JAKMIP3: variants seen among roughly 807,000 people sequenced by gnomAD.
The protein encoded by JAKMIP3 is janus kinase and microtubule-interacting protein 3.
JAKMIP3 carries 58 observed loss-of-function variants against 118.5 expected under a neutral mutation model. The observed-to-expected ratio is 0.49, with a 90% CI of 0.40 to 0.61. JAKMIP3 has a LOEUF of 0.61. JAKMIP3 is among the 20% of genes least tolerant of loss of function. The pLI is 0.00. For synonymous variants in JAKMIP3, 486 were observed against 451.2 expected (o/e 1.08, Z -0.98); for missense variants, 950 against 1,109.0 (o/e 0.86, Z 2.04).
intron 3 of JAKMIP3, among the ~76,000 whole-genome samples, chr10:132,123,214 G>T (rs111805739): frequency 0.036 from 5,476 of 152,298 alleles, 146 homozygotes; most frequent in East Asian, 0.12. Context: ...TGAGGACAGG[G>T]CCGAGCTGGG....
At chr10:132,059,010 A>G (rs2038321615) in intron 1 of JAKMIP3, among the ~76,000 whole-genome samples, 1 of 152,108 alleles carries the variant, frequency 6.6e-6, no homozygotes, top group South Asian at 2.1e-4. Flanking sequence ...CACAAGCCCC[A>G]GCTGCAGTGG....
At chr10:132,066,892 G>C in intron 1 of JAKMIP3, among the ~76,000 whole-genome samples, 1 of 152,244 alleles carries the variant, frequency 6.6e-6, no homozygotes, top group Middle Eastern at 3.4e-3. Context: ...AGACTGGCCG[G>C]GAAACCATGC....
At chr10:132,042,589 C>CA (rs536404862) in intron 1 of JAKMIP3, among the ~76,000 whole-genome samples, 10 of 152,234 alleles carry the variant, frequency 6.6e-5, no homozygotes, top group African/African-American at 2.4e-4. Context: ...ATCCTGGCTG[C>CA]AGGGATGAGT....
intron 1 of JAKMIP3, among the ~76,000 whole-genome samples, chr10:132,043,378 T>TTGTG (rs552418772): frequency 6.6e-6 from 1 of 151,162 alleles, no homozygotes; most frequent in African/African-American, 2.4e-5. Context: ...CCCTTTCCGT[T>TTGTG]TGTGTGTGTG....
chr10:132,063,680 G>A (rs558298541), upstream of JAKMIP3, among the ~76,000 whole-genome samples: 172 of 152,296 alleles, frequency 1.1e-3, no homozygotes, highest in African/African-American at 4.0e-3. Flanking sequence ...TCTGCAAGGG[G>A]CACGTTTACT....
At chr10:132,172,295 G>T (rs1169995520) in intron 23 of JAKMIP3, among the ~76,000 whole-genome samples, 1 of 152,044 alleles carries the variant, frequency 6.6e-6, no homozygotes, top group Non-Finnish European at 1.5e-5. Context: ...GCCCGAGATG[G>T]GTGTGTTTCA....
At chr10:132,121,749 C>G (rs980232011) in intron 3 of JAKMIP3, among the ~76,000 whole-genome samples, 1 of 152,134 alleles carries the variant, frequency 6.6e-6, no homozygotes, top group East Asian at 1.9e-4. Flanking sequence ...TGGGGGTTTC[C>G]GTGCCTCCCT....
At chr10:132,070,115 C>G (rs1368648228) in intron 1 of JAKMIP3, among the ~76,000 whole-genome samples, 2 of 152,066 alleles carry the variant, frequency 1.3e-5, no homozygotes, top group African/African-American at 4.8e-5. Context: ...CTACCTCTGT[C>G]TAAACAGCAC....
Position 132,117,493 on chromosome 10 carries a change from A to G in JAKMIP3, c.552A>G (p.Ala184=), listed in dbSNP as rs747891623. 2.5e-6 allele frequency: 4 copies of G among 1,612,370 alleles called. No homozygotes were observed. Among genetic ancestry groups the G allele is most frequent in the East Asian group, 2.2e-5 (1 of 44,844 alleles). The change falls in exon 3 of 24, where the codon GCA becomes GCG. Residue 184 remains alanine (A), a synonymous_variant. Coordinates refer to ENST00000684848, the MANE Select transcript of JAKMIP3 (RefSeq NM_001323087.2). This position sits in a 1 kb window ranked among gnomAD's most constrained non-coding sequence, Gnocchi z 8.6. ...LVIQADKIKA[A]EIRSVYHLHQ... is the part of the protein sequence containing the mutation. ...TCCAAGCGGACAAGATCAAGGCCGC[A>G]GAGATCCGCAGCGTGTACCACCTGC...
intron 10 of JAKMIP3, among the ~76,000 whole-genome samples, chr10:132,141,399 C>T (rs917375973): frequency 6.6e-6 from 1 of 152,138 alleles, no homozygotes; most frequent in African/African-American, 2.4e-5. Flanking sequence ...CTGTCTTCTC[C>T]CTGGGGTGAC....
At chr10:132,148,091 T>A (rs1218689986) in intron 14 of JAKMIP3, 41 bp downstream of exon 14, 1 of 1,311,684 alleles carries the variant, frequency 7.6e-7, no homozygotes. Context: ...TGTGGCTGTG[T>A]CAGGGATCTA....
chr10:132,174,491 G>A lies in JAKMIP3; in HGVS notation c.*1103+5458G>A, dbSNP rs541819470. 5.6e-4 allele frequency among the ~76,000 whole-genome samples: 86 copies of A among 152,228 alleles called. 1 individual carries two copies. Among genetic ancestry groups the A allele is most frequent in the Admixed American group, 1.6e-3 (24 of 15,296 alleles). Reference sequence around the variant, plus strand: ...CTGTTCCCGAGCGGAATCCCCTCGGGTGAAAGGACCACAGTGCACCAGGGG... The same window carrying A: ...CTGTTCCCGAGCGGAATCCCCTCGGATGAAAGGACCACAGTGCACCAGGGG... On this transcript the variant is annotated intron_variant, in intron 23 of 23. Transcript: ENST00000684848.
chr10:132,133,725 C>T (rs555333067), intron 4 of JAKMIP3, among the ~76,000 whole-genome samples, 198 bp downstream of exon 4: 2 of 152,372 alleles, frequency 1.3e-5, no homozygotes, highest in African/African-American at 4.8e-5. Flanking sequence ...GGCTGGTGGA[C>T]TCGTCTCCTT....
At chr10:132,149,554 T>TCCCCCGCCCCACCACCTCTCCG in intron 15 of JAKMIP3, 44 bp downstream of exon 15, 1 of 530,844 alleles carries the variant, frequency 1.9e-6, no homozygotes, top group Non-Finnish European at 2.5e-6. Context: ...ACCTCACCCA[T>TCCCCCGCCCCACCACCTCTCCG]CCCCCGCCCC....
In JAKMIP3 at chr10:132,066,023, G is replaced by C. The variant is rs974312464; in HGVS notation, c.-176G>C. Among the ~76,000 whole-genome samples the C allele has an allele frequency of 1.3e-5, 2 of 152,218 alleles. No individual in the cohort carries two copies. On this transcript the variant is annotated 5_prime_UTR_variant, in exon 1 of 24. Transcript: ENST00000684848. ...CGGGAAAGATTCTCACAGTCGAGCA[G>C]AGCGATGGGAGAGAGGAGCAGACAG...
At chr10:132,070,713 T>C (rs550633432) in intron 1 of JAKMIP3, among the ~76,000 whole-genome samples, 27 of 152,168 alleles carry the variant, frequency 1.8e-4, no homozygotes, top group Non-Finnish European at 3.2e-4. Flanking sequence ...GCTTAGTCTT[T>C]ATGACTTTTA....
chr10:132,102,709 G>A (rs1303894501), intron 1 of JAKMIP3, among the ~76,000 whole-genome samples: 3 of 152,172 alleles, frequency 2.0e-5, no homozygotes, highest in African/African-American at 7.2e-5. Context: ...AAGTCTACTT[G>A]GCTGCCCTGT....
intron 23 of JAKMIP3, among the ~76,000 whole-genome samples, chr10:132,175,027 G>A (rs534410215): frequency 1.4e-4 from 21 of 152,206 alleles, no homozygotes; most frequent in African/African-American, 2.6e-4. Context: ...CAGATACACC[G>A]CTGAAAAGTA....
At chr10:132,068,064 C>T (rs551363868) in intron 1 of JAKMIP3, among the ~76,000 whole-genome samples, 2 of 135,706 alleles carry the variant, frequency 1.5e-5, no homozygotes, top group East Asian at 2.3e-4. Context: ...TGTGGGCTTC[C>T]GTGTGGACTG....
Sources: gnomAD v4.1 joint callset for allele counts (sites outside exome capture counted in the v4.1 genomes callset) on GRCh38, gnomAD v4.1.1 for gene constraint, Gnocchi (gnomAD v3.1) non-coding constraint, MANE v1.5 for transcripts, NCBI Gene and HGNC (gene_info 2026-07-23, HGNC 2026-07-21) for gene names.